CPSF3: variants seen among roughly 807,000 people sequenced by gnomAD.
The protein encoded by CPSF3 is cleavage and polyadenylation specificity factor subunit 3.
Under a neutral mutation model 84.1 loss-of-function variants are expected in CPSF3, and 57 were observed. That is an observed-to-expected ratio of 0.68 (90% CI 0.55 to 0.85). The LOEUF (loss-of-function observed/expected upper bound fraction) is 0.85, where lower values mean the gene tolerates loss of function less well. Ranked by LOEUF, CPSF3 falls within the 40% of genes least tolerant of loss-of-function variation. The pLI is 0.00. For synonymous variants in CPSF3, 275 were observed against 278.1 expected (o/e 0.99, Z 0.11); for missense variants, 522 against 838.8 (o/e 0.62, Z 4.66).
chr2:9,428,804 C>T lies in CPSF3; in HGVS notation c.90C>T (p.Leu30=), dbSNP rs143561900. 3.2e-5 allele frequency: 52 copies of T among 1,601,132 alleles called. No individual in the cohort carries two copies. The highest frequency in any genetic ancestry group is 5.4e-5 in the African/African-American group (4 of 74,704). The change falls in exon 2 of 18, where the codon CTC becomes CTT. Residue 30 remains leucine, a synonymous_variant. Coordinates refer to ENST00000238112, the MANE Select transcript of CPSF3 (RefSeq NM_016207.4). The part of the protein sequence containing the change: ...GQEVGRSCII[L]EFKGRKIMLD... ...AAGTAGGAAGATCATGTATTATTCT[C>T]GAGTTCAAAGGAAGAAAAATAATGG...
intron 17 of CPSF3, among the ~76,000 whole-genome samples, chr2:9,472,006 C>A (rs1275447043): frequency 9.2e-3 from 893 of 96,730 alleles, no homozygotes; most frequent in East Asian, 0.015. Flanking sequence ...ACTCTGTCTC[C>A]AAAAAAAAAA....
chr2:9,456,303 G>GGT (rs1203584525), intron 13 of CPSF3, among the ~76,000 whole-genome samples: 1 of 152,132 alleles, frequency 6.6e-6, no homozygotes, highest in Non-Finnish European at 1.5e-5. Flanking sequence ...TAAATTAAAA[G>GGT]GTGTAGACTT....
chr2:9,451,420 T>G (rs1208060955), intron 11 of CPSF3, among the ~76,000 whole-genome samples: 3 of 152,164 alleles, frequency 2.0e-5, no homozygotes, highest in Non-Finnish European at 2.9e-5. Context: ...CACACTACCT[T>G]TATTCCTTTG....
At chr2:9,462,197 C>T (rs1681751224) in intron 15 of CPSF3, among the ~76,000 whole-genome samples, 1 of 152,232 alleles carries the variant, frequency 6.6e-6, no homozygotes, top group African/African-American at 2.4e-5. Flanking sequence ...GTAAGGCCCC[C>T]ATCCTTCTAA....
chr2:9,440,273 T>A (rs1249380864), intron 7 of CPSF3, among the ~76,000 whole-genome samples: 2 of 152,228 alleles, frequency 1.3e-5, no homozygotes, highest in African/African-American at 4.8e-5. Flanking sequence ...ATCATAGCAT[T>A]CTTTTTAGGT....
At chr2:9,444,156 A>G (rs867203857) in intron 10 of CPSF3, among the ~76,000 whole-genome samples, 1 of 134,876 alleles carries the variant, frequency 7.4e-6, no homozygotes, top group African/African-American at 3.1e-5. Context: ...ATATATATAT[A>G]TATTTTTTTT....
At chr2:9,427,981 A>AT (rs201109484) in intron 1 of CPSF3, among the ~76,000 whole-genome samples, 81 of 150,788 alleles carry the variant, frequency 5.4e-4, no homozygotes, top group African/African-American at 2.0e-3. Context: ...ATGAATAAGT[A>AT]TTTTAAAAAA....
At chr2:9,460,205 G>T (rs185385574) in intron 15 of CPSF3, among the ~76,000 whole-genome samples, 1 of 152,030 alleles carries the variant, frequency 6.6e-6, no homozygotes, top group Non-Finnish European at 1.5e-5. Context: ...CCGGGCGCAC[G>T]GATCACAAGG....
In CPSF3 at chr2:9,423,839, G is replaced by C. The variant is rs1441550778; in HGVS notation, c.50+16G>C. The stretch of plus-strand genomic sequence containing the variant: ...TCCGACCCCTGTAAGGGACCAGCGA[G>C]AGAGGGAATGAAGCCACGGGCTGTG... On this transcript the variant is annotated intron_variant, in intron 1 of 17. Transcript: ENST00000238112. 2 of 1,611,726 alleles carry C rather than the reference G, an allele frequency of 1.2e-6. No individual in the cohort carries two copies. Among genetic ancestry groups the C allele is most frequent in the Non-Finnish European group, 1.7e-6 (2 of 1,179,096 alleles).
rs779281693 is a variant in CPSF3, at chr2:9,430,030, T to C, written c.212+10T>C. ...TCCTATTAATTAGTCAGTAAGTTTT[T>C]CCCTTTATTAATGACACTTTTTCAC... On this transcript the variant is annotated intron_variant, in intron 3 of 17. Transcript: ENST00000238112. 5 of 1,446,322 alleles carry C rather than the reference T, an allele frequency of 3.5e-6. No individual in the cohort carries two copies. The Admixed American group carries it at 1.1e-4, about 32-fold the overall frequency. 89.6% of individuals were successfully genotyped at this position (1,446,322 alleles called of 1,614,324 possible).
At chr2:9,471,075 G>A (rs1682144929) in intron 16 of CPSF3, among the ~76,000 whole-genome samples, 1 of 152,120 alleles carries the variant, frequency 6.6e-6, no homozygotes, top group Admixed American at 6.5e-5. Flanking sequence ...TTAGCTGGCT[G>A]TGGTGGTGCA....
intron 16 of CPSF3, among the ~76,000 whole-genome samples, chr2:9,469,200 T>A (rs1472526710): frequency 6.6e-6 from 1 of 152,194 alleles, no homozygotes; most frequent in East Asian, 1.9e-4. Flanking sequence ...CGTTGAAGTC[T>A]GAGTATCTTA....
chr2:9,444,158 A>ATATATATATT (rs1216393477), intron 10 of CPSF3, among the ~76,000 whole-genome samples: 18 of 123,164 alleles, frequency 1.5e-4, no homozygotes, highest in Non-Finnish European at 2.4e-4. Flanking sequence ...ATATATATAT[A>ATATATATATT]TTTTTTTTTT....
At chr2:9,430,437 T>C (rs1680546915) in intron 3 of CPSF3, among the ~76,000 whole-genome samples, 1 of 152,238 alleles carries the variant, frequency 6.6e-6, no homozygotes, top group African/African-American at 2.4e-5. Context: ...GAGATATCCA[T>C]GTTTCAACTT....
intron 1 of CPSF3, among the ~76,000 whole-genome samples, chr2:9,427,995 A>AT: frequency 6.6e-6 from 1 of 151,674 alleles, no homozygotes; most frequent in East Asian, 1.9e-4. Flanking sequence ...TAAAAAAAAA[A>AT]ATTTTTTTTT....
Position 9,473,069 on chromosome 2 carries a change from C to G in CPSF3, c.*52C>G. ...AAAATACTTGACTCTACTTTTGTTACCTAAAATAAAATGCATTCGTTTCTC... is the reference window on the plus strand; with the variant it reads ...AAAATACTTGACTCTACTTTTGTTAGCTAAAATAAAATGCATTCGTTTCTC... On this transcript the variant is annotated 3_prime_UTR_variant, in exon 18 of 18. Coordinates refer to ENST00000238112, the MANE Select transcript of CPSF3 (RefSeq NM_016207.4). 7.5e-7 allele frequency: 1 copy of G among 1,325,428 alleles called. No individual in the cohort carries two copies. The allele number at this position is 1,325,428 out of a possible 1,614,324, so 82.1% of individuals were successfully genotyped here. A position where few individuals can be genotyped will look rare whatever the true frequency, so the allele number is the denominator to read the frequency against.
intron 11 of CPSF3, among the ~76,000 whole-genome samples, chr2:9,451,353 A>G (rs1681322908): frequency 6.6e-6 from 1 of 152,240 alleles, no homozygotes; most frequent in African/African-American, 2.4e-5. Flanking sequence ...GAGAACAAAT[A>G]TAGCACTGCC....
chr2:9,466,380 TCGCACACACG>T (rs70948821), intron 15 of CPSF3, among the ~76,000 whole-genome samples: 41,976 of 130,010 alleles, frequency 0.32, 6,641 homozygotes, highest in Middle Eastern at 0.44. Flanking sequence ...ACCCACGCAC[TCGCACACACG>T]CGCACACACA....
In CPSF3 at chr2:9,440,476, G is replaced by A; in HGVS notation, c.761-15G>A. 1.2e-6 allele frequency: 2 copies of A among 1,600,550 alleles called. No homozygotes were observed. The highest frequency in any genetic ancestry group is 1.7e-6 in the Non-Finnish European group (2 of 1,170,124). ...TCTAACAAAGTGATGTTTGTTTCTT[G>A]CAAAATCTCTCTAGATGAGTACTGG... On this transcript the variant is annotated splice_polypyrimidine_tract_variant and intron_variant, in intron 7 of 17. Transcript: ENST00000238112.
Sources: allele counts gnomAD v4.1 joint callset (sites outside exome capture counted in the v4.1 genomes callset), GRCh38; gene constraint gnomAD v4.1.1; transcripts MANE v1.5; gene names NCBI Gene and HGNC (gene_info 2026-07-23, HGNC 2026-07-21).